ACAT1: variants seen among roughly 807,000 people sequenced by gnomAD.
The protein encoded by ACAT1 is acetyl-CoA acetyltransferase, mitochondrial.
ACAT1 carries 28 observed loss-of-function variants against 47.3 expected under a neutral mutation model. That is an observed-to-expected ratio of 0.59 (90% CI 0.44 to 0.81). The LOEUF is 0.81. Among genes scored for constraint, ACAT1 ranks in the 30% least tolerant of loss-of-function variants. ACAT1 has a pLI of 0.00. For missense variants in ACAT1, 469 were observed against 524.3 expected, an observed-to-expected ratio of 0.89 and a Z score of 1.03; for synonymous variants, 181 against 173.6, an observed-to-expected ratio of 1.04 and a Z score of -0.34.
intron 1 of ACAT1, chr11:108,128,737 A>G (rs894787490): frequency 6.6e-6 from 1 of 152,280 alleles, no homozygotes; most frequent in African/African-American, 2.4e-5. Flanking sequence ...TAACTGTGCC[A>G]TCTTTGAAAA....
chr11:108,142,378 G>T, intron 8 of ACAT1, 59 bp from the exon 9 acceptor site: 1 of 1,333,838 alleles, frequency 7.5e-7, no homozygotes, highest in South Asian at 1.2e-5. Context: ...TTGTTGAATT[G>T]AACCAAATAC....
intron 1 of ACAT1, chr11:108,129,238 T>C (rs947997985): frequency 1.2e-4 from 19 of 152,368 alleles, no homozygotes; most frequent in Admixed American, 5.9e-4. Flanking sequence ...TACGGCTGAG[T>C]AGTATTCCAT....
chr11:108,121,620 C>A lies in ACAT1; in HGVS notation c.14C>A (p.Ala5Glu). MAVLAALLRSGARSR... is the reference protein window; with the variant it reads MAVLEALLRSGARSR... ...CCCTCTGCGACCATGGCTGTGCTGGCGGCACTTCTGCGCAGCGGCGCCCGC... is the reference window on the plus strand; with the variant it reads ...CCCTCTGCGACCATGGCTGTGCTGGAGGCACTTCTGCGCAGCGGCGCCCGC... The change falls in exon 1 of 12, where the codon GCG becomes GAG. Residue 5 changes from alanine (A) to glutamate (E), a missense_variant. By Grantham distance (107) the Ala-to-Glu change is moderately radical. Coordinates refer to ENST00000265838, the MANE Select transcript of ACAT1 (RefSeq NM_000019.4). 1.3e-6 allele frequency: 2 copies of A among 1,550,860 alleles called. No homozygotes were observed. Among genetic ancestry groups the A allele is most frequent in the Non-Finnish European group, 1.7e-6 (2 of 1,147,478 alleles).
chr11:108,117,964 A>G (rs1864984117), upstream of ACAT1, among the ~76,000 whole-genome samples: 1 of 152,176 alleles, frequency 6.6e-6, no homozygotes, highest in Non-Finnish European at 1.5e-5. Context: ...TTGCCACTAG[A>G]TGGAGGTATT....
At chr11:108,122,681 G>A (rs1008147274) in intron 1 of ACAT1, among the ~76,000 whole-genome samples, 3 of 152,146 alleles carry the variant, frequency 2.0e-5, no homozygotes, top group African/African-American at 7.2e-5. Context: ...CGAAGCCAAG[G>A]GAAAAGAAAG....
At chr11:108,123,308 T>TATG (rs1281056895) in intron 1 of ACAT1, among the ~76,000 whole-genome samples, 18 of 152,346 alleles carry the variant, frequency 1.2e-4, no homozygotes, top group African/African-American at 4.3e-4. Flanking sequence ...TGCTGTAATG[T>TATG]ATGATATGTG....
At chr11:108,134,996 T>G (rs1312818407) in intron 4 of ACAT1, 146 bp from the exon 5 acceptor site, 15 of 599,960 alleles carry the variant, frequency 2.5e-5, no homozygotes, top group Non-Finnish European at 4.4e-5. Flanking sequence ...GAAGGTTATT[T>G]AAGCTTAAAT....
upstream of ACAT1, chr11:108,121,555 G>GACA: frequency 6.5e-7 from 1 of 1,534,090 alleles, no homozygotes; most frequent in Non-Finnish European, 8.8e-7. Context: ...CGGGGTTGGG[G>GACA]AGGAGGCCGC....
chr11:108,125,929 A>AG (rs1477856376), intron 1 of ACAT1, among the ~76,000 whole-genome samples: 3 of 147,600 alleles, frequency 2.0e-5, no homozygotes, highest in African/African-American at 7.3e-5. Flanking sequence ...CCGTCTAAAA[A>AG]AAAAAAAAAA....
upstream of ACAT1, chr11:108,121,308 G>T: frequency 1.9e-6 from 1 of 532,100 alleles, no homozygotes; most frequent in East Asian, 3.3e-5. Flanking sequence ...ATAAACCACC[G>T]GCCCCGGCAG....
intron 1 of ACAT1, chr11:108,129,285 T>C (rs1234308478): frequency 1.3e-5 from 2 of 152,244 alleles, no homozygotes; most frequent in South Asian, 2.1e-4. Context: ...CACTTGTTGA[T>C]TGATGGGCAT....
At chr11:108,139,881 G>A in intron 6 of ACAT1, 184 bp from the exon 7 acceptor site, 1 of 600,334 alleles carries the variant, frequency 1.7e-6, no homozygotes, top group South Asian at 2.0e-5. Flanking sequence ...TTGATCTCCT[G>A]ACCTCATGAT....
At chr11:108,121,314 G>A (rs1191223847), upstream of ACAT1, 1 of 542,682 alleles carries the variant, frequency 1.8e-6, no homozygotes, top group African/African-American at 1.9e-5. Flanking sequence ...CACCGGCCCC[G>A]GCAGGTTAGA....
intron 5 of ACAT1, among the ~76,000 whole-genome samples, chr11:108,137,980 T>C (rs754739228): frequency 2.0e-5 from 3 of 151,948 alleles, no homozygotes; most frequent in Non-Finnish European, 4.4e-5. Flanking sequence ...TGGTTTTACA[T>C]GAAAGATTTC....
intron 9 of ACAT1, 63 bp downstream of exon 9, chr11:108,142,613 G>T: frequency 2.2e-6 from 3 of 1,340,014 alleles, no homozygotes; most frequent in Non-Finnish European, 3.2e-6. Flanking sequence ...GAGGTGGGAG[G>T]ATTGCTTGAG....
chr11:108,125,976 A>T (rs1196547728), intron 1 of ACAT1, among the ~76,000 whole-genome samples: 4 of 151,112 alleles, frequency 2.6e-5, no homozygotes, highest in Non-Finnish European at 4.4e-5. Flanking sequence ...CCAGCCATGG[A>T]GAGCTGGGAA....
At chr11:108,134,839 G>A (rs1423746996) in intron 4 of ACAT1, among the ~76,000 whole-genome samples, 2 of 149,778 alleles carry the variant, frequency 1.3e-5, no homozygotes, top group South Asian at 2.1e-4. Flanking sequence ...CAGCTACTCC[G>A]GAGGCTGAGG....
intron 9 of ACAT1, 127 bp from the exon 10 acceptor site, chr11:108,143,856 A>G: frequency 1.1e-6 from 1 of 896,140 alleles, no homozygotes; most frequent in Non-Finnish European, 1.6e-6. Context: ...GAAAAGGAAG[A>G]CATATATTTA....
At position 108,135,252 on chromosome 11, in the gene ACAT1, A is replaced by G. The variant is rs367703088; in HGVS notation, c.435+10A>G. The stretch of plus-strand genomic sequence containing the variant: ...TATGTGTGGACATCAGGTAAGAAAC[A>G]CCGTCCTTCCCATTTATTAATCAGA... On this transcript the variant is annotated intron_variant, in intron 5 of 11. Coordinates refer to ENST00000265838, the MANE Select transcript of ACAT1 (RefSeq NM_000019.4). 1 of 1,579,770 alleles carries G rather than the reference A, an allele frequency of 6.3e-7. No homozygotes were observed. The highest frequency in any genetic ancestry group is 8.7e-7 in the Non-Finnish European group (1 of 1,149,022).
Sources: gnomAD v4.1 joint callset for allele counts (sites outside exome capture counted in the v4.1 genomes callset) on GRCh38, gnomAD v4.1.1 for gene constraint, MANE v1.5 for transcripts, NCBI Gene and HGNC (gene_info 2026-07-23, HGNC 2026-07-21) for gene names.